The following UBR3 variants were observed in gnomAD, a reference collection of about 807,000 sequenced individuals.
The protein encoded by UBR3 is E3 ubiquitin-protein ligase UBR3.
In UBR3, 85 loss-of-function variants were observed where a neutral mutation model predicts 243.2. The ratio of observed to expected loss-of-function variants is 0.35; its 90% confidence interval spans 0.29 to 0.42. The LOEUF is 0.42. Ranked by LOEUF, UBR3 falls within the 10% of genes least tolerant of loss-of-function variation. The probability of loss-of-function intolerance (pLI) is 1.00; values close to 1 mark genes in which losing one functional copy is unlikely to be tolerated. For synonymous variants in UBR3, 748 were observed against 799.8 expected (o/e 0.94, Z 1.09); for missense variants, 1,686 against 2,300.8 (o/e 0.73, Z 5.47).
At chr2:169,856,674 A>T (rs1450485462) in intron 1 of UBR3, among the ~76,000 whole-genome samples, 1 of 152,182 alleles carries the variant, frequency 6.6e-6, no homozygotes. Context: ...CCACCAAAAA[A>T]TACAAAAACC....
intron 36 of UBR3, among the ~76,000 whole-genome samples, chr2:170,078,943 A>G (rs538709707): frequency 9.9e-5 from 15 of 152,268 alleles, no homozygotes; most frequent in Non-Finnish European, 1.2e-4. Context: ...CATTGCTTCC[A>G]TGGACACTTA....
At chr2:169,841,839 G>T (rs914800251) in intron 1 of UBR3, among the ~76,000 whole-genome samples, 2 of 152,220 alleles carry the variant, frequency 1.3e-5, no homozygotes, top group Non-Finnish European at 2.9e-5. Flanking sequence ...CTCCTGTGCG[G>T]TCTGAGCTTC....
chr2:170,026,853 T>G (rs2090541995), intron 30 of UBR3, among the ~76,000 whole-genome samples: 2 of 152,124 alleles, frequency 1.3e-5, no homozygotes, highest in South Asian at 4.1e-4. Context: ...TGATTATAGA[T>G]TCTCTTCATC....
intron 24 of UBR3, among the ~76,000 whole-genome samples, chr2:169,967,087 AT>A (rs1379272208): frequency 6.6e-6 from 1 of 152,198 alleles, no homozygotes; most frequent in Non-Finnish European, 1.5e-5. Context: ...AGGTAGTATT[AT>A]CCCACATACA....
At chr2:170,017,540 CACACAG>C (rs1397460536) in intron 30 of UBR3, among the ~76,000 whole-genome samples, 124 of 43,620 alleles carry the variant, frequency 2.8e-3, no homozygotes, top group African/African-American at 7.2e-3. Context: ...CACACACACA[CACACAG>C]ACACACACAC....
At chr2:169,834,054 C>G (rs779525422) in intron 1 of UBR3, among the ~76,000 whole-genome samples, 13 of 152,196 alleles carry the variant, frequency 8.5e-5, no homozygotes, top group Non-Finnish European at 1.2e-4. Context: ...TCCCAAAGAG[C>G]TGGGATTATA....
At chr2:170,074,876 C>A (rs1215317395) in intron 36 of UBR3, among the ~76,000 whole-genome samples, 1 of 151,992 alleles carries the variant, frequency 6.6e-6, no homozygotes, top group Non-Finnish European at 1.5e-5. Flanking sequence ...CTTATTTATC[C>A]CCGGTTTCTA....
chr2:169,991,871 C>T (rs751780818), intron 25 of UBR3, among the ~76,000 whole-genome samples: 18 of 152,024 alleles, frequency 1.2e-4, no homozygotes, highest in South Asian at 2.1e-4. Flanking sequence ...TGTGAGCCAC[C>T]GTGCCTGGCC....
Position 169,986,750 on chromosome 2 carries a change from A to G in UBR3, c.3740A>G (p.Glu1247Gly). 1 of 1,614,100 alleles carries G rather than the reference A, an allele frequency of 6.2e-7. No individual in the cohort carries two copies. The highest frequency in any genetic ancestry group is 8.5e-7 in the Non-Finnish European group (1 of 1,179,984). Residue 1247 changes from glutamate (E) to glycine (G), a missense_variant, in exon 25 of 39, where the codon GAA becomes GGA. Coordinates refer to ENST00000272793, the MANE Select transcript of UBR3 (RefSeq NM_172070.4). The part of the protein sequence containing the change: ...VICGQSGPSS[E>G]DRPTGLVVLL... ...TGTGGACAGAGTGGCCCCTCCTCTG[A>G]AGATCGACCTACTGGATTAGTTGTA...
intron 21 of UBR3, 157 bp from the exon 22 acceptor site, chr2:169,947,385 A>G (rs1574262741): frequency 1.8e-6 from 1 of 542,988 alleles, no homozygotes; most frequent in Non-Finnish European, 2.8e-6. Context: ...ATTTGGTTTT[A>G]TTATTTAAAT....
chr2:169,872,394 C>G lies in UBR3; in HGVS notation c.685+19C>G, dbSNP rs1279197997. On this transcript the variant is annotated intron_variant, in intron 2 of 38. Coordinates refer to ENST00000272793, the MANE Select transcript of UBR3 (RefSeq NM_172070.4). ...GAACCAGGTATGTTTTAATCTACTT[C>G]TTGTTAGTACTCTTTTTAAATTGTA... The G allele has an allele frequency of 7.1e-7, 1 of 1,398,828 alleles. No individual in the cohort carries two copies. Among genetic ancestry groups the G allele is most frequent in the Admixed American group, 2.7e-5 (1 of 37,464 alleles). 86.7% of individuals were successfully genotyped at this position (1,398,828 alleles called of 1,614,324 possible).
At chr2:170,015,091 T>A in intron 29 of UBR3, 190 bp from the exon 30 acceptor site, 1 of 494,754 alleles carries the variant, frequency 2.0e-6, no homozygotes, top group Non-Finnish European at 3.6e-6. Context: ...TAAGTAAGGA[T>A]GGATAAATTG....
At chr2:169,912,508 A>G (rs1330893174) in intron 10 of UBR3, among the ~76,000 whole-genome samples, 1 of 152,132 alleles carries the variant, frequency 6.6e-6, no homozygotes, top group Admixed American at 6.5e-5. Flanking sequence ...AATGTTTTCA[A>G]GGTTCAGCTG....
intron 20 of UBR3, 25 bp downstream of exon 20, chr2:169,942,659 G>A (rs775330657): frequency 3.4e-6 from 5 of 1,475,678 alleles, no homozygotes; most frequent in South Asian, 1.4e-5. Flanking sequence ...TGAATAGAAA[G>A]ACTAAGCTTA....
intron 5 of UBR3, among the ~76,000 whole-genome samples, chr2:169,882,192 TAAA>T (rs2083900272): frequency 7.8e-6 from 1 of 128,234 alleles, no homozygotes; most frequent in Non-Finnish European, 1.6e-5. Flanking sequence ...GCATGTGTAA[TAAA>T]TAATATACAC....
intron 38 of UBR3, 41 bp from the exon 39 acceptor site, chr2:170,081,684 TC>T (rs1559245054): frequency 8.5e-6 from 12 of 1,417,528 alleles, no homozygotes; most frequent in African/African-American, 1.5e-5. Context: ...TGTGAAATCT[TC>T]CGTGTATGAT....
At chr2:169,983,346 C>T (rs552690110) in intron 24 of UBR3, among the ~76,000 whole-genome samples, 4 of 150,062 alleles carry the variant, frequency 2.7e-5, no homozygotes, top group Admixed American at 6.6e-5. Flanking sequence ...CTGTAGCCTC[C>T]GCCTCCCAAG....
intron 1 of UBR3, among the ~76,000 whole-genome samples, chr2:169,855,814 C>G (rs1003037205): frequency 6.6e-6 from 1 of 152,244 alleles, no homozygotes; most frequent in Non-Finnish European, 1.5e-5. Context: ...ACTTTCTATT[C>G]GACAAAACCG....
chr2:170,052,505 C>T (rs1358336755), intron 32 of UBR3, among the ~76,000 whole-genome samples: 1 of 152,074 alleles, frequency 6.6e-6, no homozygotes, highest in Non-Finnish European at 1.5e-5. Flanking sequence ...TACACTGGGA[C>T]GTTATTTAGC....
Sources: gnomAD v4.1 joint callset for allele counts (sites outside exome capture counted in the v4.1 genomes callset) on GRCh38, gnomAD v4.1.1 for gene constraint, MANE v1.5 for transcripts, NCBI Gene and HGNC (gene_info 2026-07-23, HGNC 2026-07-21) for gene names.